CDHR3: variants seen among roughly 807,000 people sequenced by gnomAD.
The protein encoded by CDHR3 is cadherin-related family member 3.
A neutral mutation model predicts 86.6 loss-of-function variants in CDHR3; 79 were observed. That is an observed-to-expected ratio of 0.91 (90% CI 0.76 to 1.10). The LOEUF (loss-of-function observed/expected upper bound fraction) is 1.10, where lower values mean the gene tolerates loss of function less well. Among genes scored for constraint, CDHR3 ranks in the 50% least tolerant of loss-of-function variants. The pLI, the probability that CDHR3 is intolerant of heterozygous loss-of-function variation, is 0.00. For missense variants in CDHR3, 1,081 were observed against 1,077.6 expected (o/e 1.00, Z -0.04); for synonymous variants, 421 against 402.4 (o/e 1.05, Z -0.55).
At chr7:105,987,895 T>G (rs181482089) in intron 4 of CDHR3, among the ~76,000 whole-genome samples, 1 of 152,130 alleles carries the variant, frequency 6.6e-6, no homozygotes, top group Non-Finnish European at 1.5e-5. Flanking sequence ...GGAACACTGG[T>G]TTGTTTATTT....
At chr7:105,985,351 A>C (rs1830375503) in intron 4 of CDHR3, among the ~76,000 whole-genome samples, 1 of 152,164 alleles carries the variant, frequency 6.6e-6, no homozygotes, top group Non-Finnish European at 1.5e-5. Flanking sequence ...AAAAAGAAAA[A>C]ACAAAGCGAA....
chr7:106,027,134 C>A (rs145656389), intron 16 of CDHR3, among the ~76,000 whole-genome samples: 1 of 152,144 alleles, frequency 6.6e-6, no homozygotes, highest in Non-Finnish European at 1.5e-5. Context: ...CAGTGACTCA[C>A]GCCTGTAATC....
chr7:105,967,270 G>A (rs1301786763), intron 1 of CDHR3, among the ~76,000 whole-genome samples: 5 of 152,118 alleles, frequency 3.3e-5, no homozygotes, highest in East Asian at 3.9e-4. Context: ...CCATGTCCCT[G>A]CAAAGGACAT....
chr7:106,013,108 A>G, intron 9 of CDHR3, 77 bp downstream of exon 9: 2 of 1,368,368 alleles, frequency 1.5e-6, no homozygotes, highest in Non-Finnish European at 2.0e-6. Flanking sequence ...GCTGCCCCAT[A>G]GAGAGAAATT....
intron 6 of CDHR3, among the ~76,000 whole-genome samples, chr7:106,000,022 G>A (rs569259321): frequency 2.0e-5 from 3 of 152,196 alleles, no homozygotes; most frequent in Non-Finnish European, 4.4e-5. Context: ...GGCCCAGCCT[G>A]GGGGCGCTGG....
Position 106,032,881 on chromosome 7 carries a change from G to A in CDHR3, c.*184G>A, listed in dbSNP as rs560883545. ...GAAAGGGGTTTGATCACATAGTTGCGTGTTCTGAAATGATACAGGAACATT... is the reference window on the plus strand; with the variant it reads ...GAAAGGGGTTTGATCACATAGTTGCATGTTCTGAAATGATACAGGAACATT... On this transcript the variant is annotated 3_prime_UTR_variant, in exon 19 of 19. Coordinates refer to ENST00000317716, the MANE Select transcript of CDHR3 (RefSeq NM_152750.5). 124 of 593,524 alleles carry A rather than the reference G, an allele frequency of 2.1e-4. 4 individuals are homozygous for A. In the South Asian group the frequency reaches 2.5e-3, roughly 12 times the overall value. 36.8% of individuals were successfully genotyped at this position (593,524 alleles called of 1,614,324 possible).
At chr7:106,012,361 G>T (rs929890428) in intron 8 of CDHR3, among the ~76,000 whole-genome samples, 1 of 152,108 alleles carries the variant, frequency 6.6e-6, no homozygotes, top group African/African-American at 2.4e-5. Context: ...CATTTGATTA[G>T]ATAGATGAAA....
chr7:105,998,865 G>C (rs1832684423), intron 6 of CDHR3, among the ~76,000 whole-genome samples: 1 of 151,852 alleles, frequency 6.6e-6, no homozygotes. Context: ...CTTGCTGTGT[G>C]TGCACAGCAC....
chr7:105,983,013 G>C (rs1830000971), intron 3 of CDHR3, among the ~76,000 whole-genome samples: 1 of 149,864 alleles, frequency 6.7e-6, no homozygotes, highest in Admixed American at 6.6e-5. Context: ...ATCTTGACAA[G>C]TGTCATGTCC....
chr7:105,984,572 G>A (rs1830253553), intron 4 of CDHR3, among the ~76,000 whole-genome samples: 1 of 152,172 alleles, frequency 6.6e-6, no homozygotes, highest in Non-Finnish European at 1.5e-5. Flanking sequence ...AGCAGCTACT[G>A]CAGTAGAGAA....
In CDHR3 at chr7:106,004,476, G is replaced by A. The variant is rs76056955; in HGVS notation, c.863-22G>A. 3.9e-3 allele frequency: 6,301 copies of A among 1,605,568 alleles called. 209 individuals are homozygous for A. The African/African-American group carries it at 0.073, about 18-fold the overall frequency. On this transcript the variant is annotated intron_variant, in intron 7 of 18. Coordinates refer to ENST00000317716, the MANE Select transcript of CDHR3 (RefSeq NM_152750.5). ...TTTTCATTTCTCTTCAAAGGGTCAC[G>A]TTCTAACCTTTGCTTTCTCAGTGAC...
At chr7:105,982,774 G>A (rs1203589150) in intron 3 of CDHR3, among the ~76,000 whole-genome samples, 7 of 151,980 alleles carry the variant, frequency 4.6e-5, no homozygotes, top group Admixed American at 4.6e-4. Flanking sequence ...CTTAAGGTCA[G>A]GAGTTCAAGA....
rs1837038471 is a variant in CDHR3, at chr7:106,024,372, T to C, written c.2077-9T>C. ...CTCTACTCACCCTCCCTGCTCTCTG[T>C]TGTTCAAGCCCAGGGTCACCTATCA... On this transcript the variant is annotated splice_polypyrimidine_tract_variant and intron_variant, in intron 14 of 18. Coordinates refer to ENST00000317716, the MANE Select transcript of CDHR3 (RefSeq NM_152750.5). 3 of 1,613,444 alleles carry C rather than the reference T, an allele frequency of 1.9e-6. No homozygotes were observed. The highest frequency in any genetic ancestry group is 3.3e-5 in the Admixed American group (2 of 59,996).
chr7:105,983,750 A>G (rs445736), intron 3 of CDHR3, among the ~76,000 whole-genome samples: 85,812 of 152,004 alleles, frequency 0.56, 24,335 homozygotes, highest in South Asian at 0.75. Context: ...CCTCATTTCA[A>G]CGGCTCATTT....
chr7:106,016,035 A>G lies in CDHR3; in HGVS notation c.1426+10A>G. The G allele has an allele frequency of 6.4e-7, 1 of 1,573,860 alleles. No homozygotes were observed. ...TCAGAAAGAAGGCCCGGTAAGTAAC[A>G]GATAAGACACAGACCAGAGTGCTGT... On this transcript the variant is annotated intron_variant, in intron 11 of 18. Coordinates refer to ENST00000317716, the MANE Select transcript of CDHR3 (RefSeq NM_152750.5).
intron 7 of CDHR3, 49 bp from the exon 8 acceptor site, chr7:106,004,449 C>A: frequency 6.8e-7 from 1 of 1,473,498 alleles, no homozygotes; most frequent in Non-Finnish European, 9.4e-7. Context: ...TTTCTGTATT[C>A]CTTTTCATTT....
chr7:105,974,882 G>T lies in CDHR3; in HGVS notation c.85G>T (p.Gly29Cys). Residue 29 changes from glycine (G) to cysteine (C), a missense_variant, in exon 2 of 19, where the codon GGC becomes TGC. By Grantham distance (159) the Gly-to-Cys change is radical (BLOSUM62 -3). Transcript: ENST00000317716. ...ACACCTAATCCTCTTACCTGCTACA[G>T]GCAATGTGGCAGAGAATTCTCCACC... ...ALHLILLPAT[G>C]NVAENSPPGT... 6.2e-7 allele frequency: 1 copy of T among 1,613,732 alleles called. No individual in the cohort carries two copies. Among genetic ancestry groups the T allele is most frequent in the Non-Finnish European group, 8.5e-7 (1 of 1,179,718 alleles).
At chr7:106,003,045 G>T (rs1742656615) in intron 7 of CDHR3, among the ~76,000 whole-genome samples, 1 of 149,828 alleles carries the variant, frequency 6.7e-6, no homozygotes, top group Non-Finnish European at 1.5e-5. Context: ...GAGGCAGGAG[G>T]ATCCCTTGAG....
rs1457310906 is a variant in CDHR3, at chr7:106,036,398, C to T, written c.*3701C>T. 6.6e-6 allele frequency: 1 copy of T among 152,184 alleles called. No individual in the cohort carries two copies. Among genetic ancestry groups the T allele is most frequent in the Non-Finnish European group, 1.5e-5 (1 of 68,042 alleles). 9.4% of individuals were successfully genotyped at this position (152,184 alleles called of 1,614,324 possible). On this transcript the variant is annotated 3_prime_UTR_variant, in exon 19 of 19. Coordinates refer to ENST00000317716, the MANE Select transcript of CDHR3 (RefSeq NM_152750.5). ...TCAAACTTAGCGTGTGTTTATCCTT[C>T]GTATTCATTCAATAAATATCTGTGG...
Sources: gnomAD v4.1 joint callset for allele counts (sites outside exome capture counted in the v4.1 genomes callset) on GRCh38, gnomAD v4.1.1 for gene constraint, MANE v1.5 for transcripts, NCBI Gene and HGNC (gene_info 2026-07-23, HGNC 2026-07-21) for gene names.